Variants in ARHGAP29 observed in about 807,000 individuals in gnomAD.
ARHGAP29 encodes the protein Rho GTPase activating protein 29.
ARHGAP29 carries 43 observed loss-of-function variants against 122.6 expected under a neutral mutation model. That is an observed-to-expected ratio of 0.35 (90% CI 0.27 to 0.45). The LOEUF (loss-of-function observed/expected upper bound fraction) is 0.45, where lower values mean the gene tolerates loss of function less well. Among genes scored for constraint, ARHGAP29 ranks in the 20% least tolerant of loss-of-function variants. The pLI, the probability that ARHGAP29 is intolerant of heterozygous loss-of-function variation, is 1.00. For synonymous variants in ARHGAP29, 506 were observed against 497.1 expected (o/e 1.02, Z -0.24); for missense variants, 1,303 against 1,477.2 (o/e 0.88, Z 1.93).
chr1:94,260,551 A>T (rs977632243), intron 1 of ARHGAP29, among the ~76,000 whole-genome samples: 5 of 152,164 alleles, frequency 3.3e-5, no homozygotes, highest in Admixed American at 6.5e-5. Flanking sequence ...AGCTTTACTT[A>T]ATGAAGGAAA....
chr1:94,297,376 C>T, the ARHGAP29 span, among the ~76,000 whole-genome samples: 1 of 152,142 alleles, frequency 6.6e-6, no homozygotes, highest in Non-Finnish European at 1.5e-5. Flanking sequence ...CGTTAAAAAG[C>T]AGCATTCTAG....
chr1:94,284,405 G>T, the ARHGAP29 span, among the ~76,000 whole-genome samples: 1 of 152,312 alleles, frequency 6.6e-6, no homozygotes, highest in South Asian at 2.1e-4. Context: ...ATGGGGACTT[G>T]AACAGGTTAG....
At chr1:94,203,393 T>G (rs1650987001) in intron 8 of ARHGAP29, among the ~76,000 whole-genome samples, 183 bp from the exon 9 acceptor site, 1 of 152,152 alleles carries the variant, frequency 6.6e-6, no homozygotes, top group South Asian at 2.1e-4. Flanking sequence ...ATCATAAAAC[T>G]GGTTAGCAAA....
the ARHGAP29 span, among the ~76,000 whole-genome samples, chr1:94,306,038 C>A: frequency 2.0e-5 from 3 of 152,186 alleles, no homozygotes; most frequent in Admixed American, 1.3e-4. Flanking sequence ...ATATGGAGAA[C>A]GTTCTGAGGC....
intron 18 of ARHGAP29, 76 bp from the exon 19 acceptor site, chr1:94,184,364 T>C (rs1398161342): frequency 9.3e-7 from 1 of 1,070,954 alleles, no homozygotes; most frequent in Non-Finnish European, 1.3e-6. Flanking sequence ...CTACATATAC[T>C]TGATTTTCAA....
intron 1 of ARHGAP29, among the ~76,000 whole-genome samples, chr1:94,251,358 G>T (rs1414049688): frequency 6.6e-6 from 1 of 150,878 alleles, no homozygotes; most frequent in Non-Finnish European, 1.5e-5. Context: ...TTTAATAGAG[G>T]CGGGGTTTCA....
chr1:94,229,350 T>C (rs967523226), intron 2 of ARHGAP29, among the ~76,000 whole-genome samples: 3 of 151,848 alleles, frequency 2.0e-5, no homozygotes, highest in South Asian at 4.1e-4. Context: ...AATAGTCTGA[T>C]ACTCTAAGCT....
chr1:94,174,014 G>C lies in ARHGAP29; in HGVS notation c.3641C>G (p.Ala1214Gly). 1 of 1,614,218 alleles carries C rather than the reference G, an allele frequency of 6.2e-7. No homozygotes were observed. Among genetic ancestry groups the C allele is most frequent in the Non-Finnish European group, 8.5e-7 (1 of 1,180,042 alleles). The change falls in exon 23 of 23, where the codon GCT becomes GGT. Residue 1214 changes from alanine to glycine, a missense_variant. Around this residue, in one of 3 missense-constraint regions of ARHGAP29, gnomAD observed 620 missense variants for 651.2 expected, o/e 0.95. Transcript: ENST00000260526. ...KSMPDPDKAS[A>G]CPGQATGQPK... ...TTGACCAGTTGCTTGCCCAGGACAA[G>C]CTGATGCTTTGTCTGGGTCTGGCAT...
chr1:94,240,182 CAG>C (rs1036400431), upstream of ARHGAP29, among the ~76,000 whole-genome samples: 4 of 152,158 alleles, frequency 2.6e-5, no homozygotes, highest in Non-Finnish European at 5.9e-5. Flanking sequence ...GGATCTGACA[CAG>C]AGTCACAATA....
At chr1:94,248,162 C>T (rs561389997) in intron 1 of ARHGAP29, 2 of 152,174 alleles carry the variant, frequency 1.3e-5, no homozygotes, top group African/African-American at 2.4e-5. Flanking sequence ...CTTTAAAACT[C>T]CCCCCACTCT....
chr1:94,187,088 C>A (rs1466907971), intron 15 of ARHGAP29, among the ~76,000 whole-genome samples: 2 of 152,310 alleles, frequency 1.3e-5, no homozygotes, highest in East Asian at 3.9e-4. Context: ...ACTGGCAAGA[C>A]TGCCGACTGG....
upstream of ARHGAP29, among the ~76,000 whole-genome samples, chr1:94,276,924 CG>C (rs1473854939): frequency 6.6e-6 from 1 of 151,848 alleles, no homozygotes; most frequent in Non-Finnish European, 1.5e-5. Flanking sequence ...ACCTGGCTTC[CG>C]GGCACTGCAA....
intron 13 of ARHGAP29, 24 bp from the exon 14 acceptor site, chr1:94,189,376 A>G (rs972829382): frequency 6.3e-7 from 1 of 1,588,392 alleles, no homozygotes; most frequent in Non-Finnish European, 8.6e-7. Context: ...AATGACAAAA[A>G]ACAAAACTCA....
intron 12 of ARHGAP29, among the ~76,000 whole-genome samples, chr1:94,200,486 C>T (rs1557855658): frequency 6.6e-6 from 1 of 152,186 alleles, no homozygotes; most frequent in Non-Finnish European, 1.5e-5. Context: ...AACAGTTTGG[C>T]AGTTTCTTAT....
chr1:94,208,971 A>G (rs1378952595), intron 4 of ARHGAP29, 67 bp from the exon 5 acceptor site: 5 of 1,386,600 alleles, frequency 3.6e-6, no homozygotes, highest in Non-Finnish European at 5.0e-6. Context: ...TTTACATTCA[A>G]CATGTTATCT....
chr1:94,207,488 A>C, intron 5 of ARHGAP29, among the ~76,000 whole-genome samples: 1 of 152,218 alleles, frequency 6.6e-6, no homozygotes, highest in East Asian at 1.9e-4. Flanking sequence ...ATGTATGCAC[A>C]ATAGAGGTAC....
Position 94,208,938 on chromosome 1 carries a change from CATT to C in ARHGAP29, c.438-37_438-35del, listed in dbSNP as rs754924549. The stretch of plus-strand genomic sequence containing the variant: ...GGAGGTTAAAAAAAGAAAGACAAGT[CATT>C]ATACTTCTTTGTGACAGGGTTTACA... On this transcript the variant is annotated intron_variant, in intron 4 of 22. Transcript: ENST00000260526. 1.9e-6 allele frequency: 3 copies of C among 1,563,674 alleles called. No individual in the cohort carries two copies. The East Asian group carries it at 6.7e-5, about 35-fold the overall frequency.
chr1:94,269,172 G>A (rs146842084), intron 1 of ARHGAP29, among the ~76,000 whole-genome samples: 1 of 152,206 alleles, frequency 6.6e-6, no homozygotes, highest in East Asian at 1.9e-4. Flanking sequence ...GTTAGTTGCT[G>A]CTTAGCCCTG....
At chr1:94,218,652 T>C (rs975964713) in intron 3 of ARHGAP29, among the ~76,000 whole-genome samples, 4 of 152,208 alleles carry the variant, frequency 2.6e-5, no homozygotes, top group African/African-American at 4.8e-5. Flanking sequence ...AGAAACAAAT[T>C]TGGTTACTAA....
Sources: gnomAD v4.1 joint callset for allele counts (sites outside exome capture counted in the v4.1 genomes callset) on GRCh38, gnomAD v4.1.1 for gene constraint, gnomAD v4.1.1 regional missense constraint, MANE v1.5 for transcripts, NCBI Gene and HGNC (gene_info 2026-07-23, HGNC 2026-07-21) for gene names.